ARHGAP28: variants seen among roughly 807,000 people sequenced by gnomAD.
ARHGAP28 encodes the protein rho GTPase-activating protein 28.
In ARHGAP28, 56 loss-of-function variants were observed where a neutral mutation model predicts 90.7. The ratio of observed to expected loss-of-function variants is 0.62; its 90% CI spans 0.50 to 0.77. ARHGAP28 has a LOEUF of 0.77. Ranked by LOEUF, ARHGAP28 falls within the 30% of genes least tolerant of loss-of-function variation. ARHGAP28 has a pLI of 0.00. For synonymous variants in ARHGAP28, 308 were observed against 323.3 expected (o/e 0.95, Z 0.51); for missense variants, 869 against 900.9 (o/e 0.96, Z 0.45).
intron 1 of ARHGAP28, among the ~76,000 whole-genome samples, chr18:6,740,762 A>G (rs929940823): frequency 3.9e-5 from 6 of 152,214 alleles, no homozygotes; most frequent in Non-Finnish European, 8.8e-5. Flanking sequence ...ACAAAGTTTC[A>G]TGAAGACCAG....
intron 1 of ARHGAP28, among the ~76,000 whole-genome samples, chr18:6,781,420 A>G (rs1472785538): frequency 6.6e-6 from 1 of 152,202 alleles, no homozygotes; most frequent in Admixed American, 6.5e-5. Context: ...CACGTCTGTC[A>G]GGCTCTGAGA....
chr18:6,898,550 T>C, intron 16 of ARHGAP28: 3 of 1,613,860 alleles, frequency 1.9e-6, no homozygotes, highest in Non-Finnish European at 2.5e-6. Context: ...TCCTCTTCAC[T>C]ATTGGCCTGG....
rs995513369 is a variant in ARHGAP28, at chr18:6,913,956, C to T, written c.*1802C>T. The stretch of plus-strand genomic sequence containing the variant: ...AATTGCCACATCCCAAGATGTAAAA[C>T]GGCAGTAATTTATGACCACGTATGG... On this transcript the variant is annotated 3_prime_UTR_variant, in exon 18 of 18. Transcript: ENST00000383472. 4.6e-5 allele frequency: 7 copies of T among 152,056 alleles called. No homozygotes were observed. The highest frequency in any genetic ancestry group is 6.6e-5 in the Admixed American group (1 of 15,260). 9.4% of individuals were successfully genotyped at this position (152,056 alleles called of 1,614,324 possible). A position where few individuals can be genotyped will look rare whatever the true frequency, so the allele number is the denominator to read the frequency against.
intron 1 of ARHGAP28, among the ~76,000 whole-genome samples, chr18:6,751,609 AT>A (rs1394696782): frequency 2.0e-5 from 3 of 152,174 alleles, no homozygotes; most frequent in Non-Finnish European, 4.4e-5. Context: ...GAAAGGCAAA[AT>A]TCTCTGTGCT....
At chr18:6,853,125 A>G (rs2056923064) in intron 4 of ARHGAP28, among the ~76,000 whole-genome samples, 1 of 152,154 alleles carries the variant, frequency 6.6e-6, no homozygotes, top group Admixed American at 6.5e-5. Context: ...TTCATCTGGC[A>G]TGCTCAGGTT....
chr18:6,764,880 C>T (rs969933009), intron 1 of ARHGAP28, among the ~76,000 whole-genome samples: 5 of 152,128 alleles, frequency 3.3e-5, no homozygotes, highest in East Asian at 3.9e-4. Flanking sequence ...TACTTTACAA[C>T]GCGCTTAACC....
At chr18:6,733,164 T>A (rs1055768642) in intron 1 of ARHGAP28, among the ~76,000 whole-genome samples, 31 of 152,158 alleles carry the variant, frequency 2.0e-4, no homozygotes, top group African/African-American at 7.2e-4. Flanking sequence ...GAGGGAGTTG[T>A]GGGTACCTAA....
chr18:6,799,927 C>T (rs898232859), intron 1 of ARHGAP28, among the ~76,000 whole-genome samples: 2 of 151,990 alleles, frequency 1.3e-5, no homozygotes, highest in Non-Finnish European at 2.9e-5. Context: ...TGAACAGGCA[C>T]CCTACAGAAT....
At chr18:6,837,456 G>A (rs2143859558) in intron 3 of ARHGAP28, 42 bp downstream of exon 3, 3 of 1,093,312 alleles carry the variant, frequency 2.7e-6, no homozygotes, top group East Asian at 2.7e-5. Flanking sequence ...CGCCTAGTTT[G>A]ACTGGGGATG....
chr18:6,856,258 TCTCA>T (rs1234074748), intron 4 of ARHGAP28, among the ~76,000 whole-genome samples: 1 of 152,196 alleles, frequency 6.6e-6, no homozygotes, highest in African/African-American at 2.4e-5. Context: ...ATTTAGCTTG[TCTCA>T]CTCTTTTTAT....
rs373273554 is a variant in ARHGAP28, at chr18:6,873,731, C to A, written c.1168C>A (p.Arg390=). 6.2e-7 allele frequency: 1 copy of A among 1,613,432 alleles called. No homozygotes were observed. The part of the protein sequence containing the change: ...VPLTVLLDGD[R]KKDPGVKVPL... ...ACTTACAGTCCTCCTGGACGGTGAC[C>A]GAAAGAAAGACCCTGGAGTGAAAGT... Residue 390 remains arginine (R), a synonymous_variant, in exon 9 of 18, where the codon CGA becomes AGA. Coordinates refer to ENST00000383472, the MANE Select transcript of ARHGAP28 (RefSeq NM_001366230.1).
intron 5 of ARHGAP28, among the ~76,000 whole-genome samples, chr18:6,863,629 T>C (rs1268303402): frequency 6.6e-6 from 1 of 151,922 alleles, no homozygotes; most frequent in Non-Finnish European, 1.5e-5. Flanking sequence ...CTCTGGGTTC[T>C]TTTCTGTACC....
At chr18:6,882,076 G>A in intron 10 of ARHGAP28, 61 bp from the exon 11 acceptor site, 1 of 1,488,952 alleles carries the variant, frequency 6.7e-7, no homozygotes, top group Non-Finnish European at 9.1e-7. Context: ...GTTTTCGAAG[G>A]GGAAAATGGG....
chr18:6,777,759 T>G (rs1186426019), intron 1 of ARHGAP28, among the ~76,000 whole-genome samples: 1 of 152,052 alleles, frequency 6.6e-6, no homozygotes, highest in Non-Finnish European at 1.5e-5. Flanking sequence ...AGTGAATGAA[T>G]GAATGAATGA....
chr18:6,818,826 G>A lies in ARHGAP28; in HGVS notation c.123-5936G>A, dbSNP rs941771623. ...GATTAGCATGCCCAGTGCTAATGCC[G>A]TGGGAGAGTGATGTAAGGTAAGACT... On this transcript the variant is annotated intron_variant, in intron 1 of 17. Coordinates refer to ENST00000383472, the MANE Select transcript of ARHGAP28 (RefSeq NM_001366230.1). Among the ~76,000 whole-genome samples, 16 of 152,312 alleles carry A rather than the reference G, an allele frequency of 1.1e-4. 1 individual carries two copies. Among genetic ancestry groups the A allele is most frequent in the Admixed American group, 7.2e-4 (11 of 15,302 alleles).
chr18:6,832,869 G>A (rs1180851028), intron 2 of ARHGAP28, among the ~76,000 whole-genome samples: 1 of 151,982 alleles, frequency 6.6e-6, no homozygotes, highest in Non-Finnish European at 1.5e-5. Context: ...TGGTGTTGCT[G>A]TTCAGGCATT....
intron 14 of ARHGAP28, among the ~76,000 whole-genome samples, chr18:6,893,883 T>TC (rs1001058371): frequency 1.3e-5 from 2 of 150,934 alleles, no homozygotes; most frequent in African/African-American, 4.9e-5. Flanking sequence ...TTTTTTTTTT[T>TC]TGAGATAGAG....
chr18:6,780,214 C>G (rs552011887), intron 1 of ARHGAP28, among the ~76,000 whole-genome samples: 55 of 152,276 alleles, frequency 3.6e-4, no homozygotes, highest in African/African-American at 1.2e-3. Flanking sequence ...TGGATCTTAA[C>G]CAAGCATTCA....
intron 17 of ARHGAP28, among the ~76,000 whole-genome samples, chr18:6,909,482 G>C (rs530135864): frequency 6.6e-6 from 1 of 151,212 alleles, no homozygotes; most frequent in Non-Finnish European, 1.5e-5. Context: ...TAGTAGAGAC[G>C]GGGTTTCACC....
Sources: gnomAD v4.1 joint callset for allele counts (sites outside exome capture counted in the v4.1 genomes callset) on GRCh38, gnomAD v4.1.1 for gene constraint, MANE v1.5 for transcripts, NCBI Gene and HGNC (gene_info 2026-07-23, HGNC 2026-07-21) for gene names.